The following SH3GL3 variants were observed in gnomAD, a reference collection of about 807,000 sequenced individuals.
The protein encoded by SH3GL3 is endophilin-A3.
A neutral mutation model predicts 47.7 loss-of-function variants in SH3GL3; 33 were observed. That is an observed-to-expected ratio of 0.69 (90% CI 0.52 to 0.92). SH3GL3 has a LOEUF of 0.92. Ranked by LOEUF, SH3GL3 falls within the 40% of genes least tolerant of loss-of-function variation. The pLI, the probability that SH3GL3 is intolerant of heterozygous loss-of-function variation, is 0.00. For synonymous variants in SH3GL3, 155 were observed against 148.8 expected (o/e 1.04, Z -0.30); for missense variants, 363 against 417.8 (o/e 0.87, Z 1.14).
rs1263399003 is a variant in SH3GL3 at position 83,533,019 on chromosome 15, G to A, written c.46-26234G>A. On this transcript the variant is annotated intron_variant, in intron 1 of 8. Coordinates refer to ENST00000427482, the MANE Select transcript of SH3GL3 (RefSeq NM_003027.5). The stretch of plus-strand genomic sequence containing the variant: ...GCATAGTGATCATTGCCTGGGCTGG[G>A]CCCATTGACACTGTATGCAAAATTT... Among the ~76,000 whole-genome samples, 3 of 152,218 alleles carry A rather than the reference G, an allele frequency of 2.0e-5. No individual in the cohort carries two copies. The East Asian group carries it at 5.8e-4, about 29-fold the overall frequency.
chr15:83,532,789 A>G (rs1337032794), intron 1 of SH3GL3, among the ~76,000 whole-genome samples: 2 of 152,240 alleles, frequency 1.3e-5, no homozygotes, highest in Non-Finnish European at 2.9e-5. Flanking sequence ...CTTATTCCTT[A>G]TAATCTCAAG....
chr15:83,630,052 C>T, the SH3GL3 span, among the ~76,000 whole-genome samples: 1 of 152,156 alleles, frequency 6.6e-6, no homozygotes, highest in Admixed American at 6.5e-5. Context: ...ATAAGTCTCA[C>T]AAGATCTGAT....
chr15:83,537,591 G>A (rs1313036786), intron 1 of SH3GL3, among the ~76,000 whole-genome samples: 4 of 151,510 alleles, frequency 2.6e-5, no homozygotes, highest in African/African-American at 9.7e-5. Flanking sequence ...GGGTGGAGGG[G>A]CTCTGTTGAT....
intron 1 of SH3GL3, among the ~76,000 whole-genome samples, chr15:83,466,948 C>T (rs985186075): frequency 4.6e-5 from 7 of 152,094 alleles, no homozygotes; most frequent in Non-Finnish European, 7.4e-5. Context: ...AGATATTAGT[C>T]CTCTGTTGGA....
intron 1 of SH3GL3, among the ~76,000 whole-genome samples, chr15:83,461,660 TAAC>T (rs1352044414): frequency 6.6e-6 from 1 of 152,136 alleles, no homozygotes; most frequent in Non-Finnish European, 1.5e-5. Flanking sequence ...ATTTTTTAAA[TAAC>T]AAGATACAAT....
chr15:83,545,884 A>C (rs771947300), intron 1 of SH3GL3, among the ~76,000 whole-genome samples: 1 of 152,112 alleles, frequency 6.6e-6, no homozygotes, highest in Non-Finnish European at 1.5e-5. Flanking sequence ...AAACAAATGC[A>C]ATCTCTCTCT....
Position 83,520,018 on chromosome 15 carries a change from G to A in SH3GL3, c.46-39235G>A, listed in dbSNP as rs142282794. ...ACACAAGACTCCGGGTCAGAGGGTC[G>A]GAGACAAATGACTTTGCCAGAGTAT... On this transcript the variant is annotated intron_variant, in intron 1 of 8. Coordinates refer to ENST00000427482, the MANE Select transcript of SH3GL3 (RefSeq NM_003027.5). Among the ~76,000 whole-genome samples the A allele has an allele frequency of 8.1e-4, 124 of 152,292 alleles. 1 individual carries two copies. Among genetic ancestry groups the A allele is most frequent in the Middle Eastern group, 6.8e-3 (2 of 294 alleles).
At chr15:83,563,012 A>G (rs926584702) in intron 2 of SH3GL3, among the ~76,000 whole-genome samples, 4 of 152,168 alleles carry the variant, frequency 2.6e-5, no homozygotes, top group Non-Finnish European at 5.9e-5. Context: ...TGTCTTTTAA[A>G]ACTTTCCTGG....
At chr15:83,623,618 T>A (rs2060920818), downstream of SH3GL3, among the ~76,000 whole-genome samples, 1 of 151,886 alleles carries the variant, frequency 6.6e-6, no homozygotes, top group Non-Finnish European at 1.5e-5. Flanking sequence ...AGCATCGGAG[T>A]GGGAGGGTTT....
chr15:83,580,867 C>T (rs572538869), intron 6 of SH3GL3, among the ~76,000 whole-genome samples: 2 of 152,304 alleles, frequency 1.3e-5, no homozygotes, highest in East Asian at 1.9e-4. Flanking sequence ...GGGAGCACCC[C>T]CAACCTCATC....
chr15:83,551,086 G>T (rs1484265344), intron 1 of SH3GL3, among the ~76,000 whole-genome samples: 1 of 152,138 alleles, frequency 6.6e-6, no homozygotes, highest in Non-Finnish European at 1.5e-5. Context: ...AACACATCTA[G>T]ACAAAACACC....
chr15:83,577,692 C>G (rs548723894), intron 6 of SH3GL3, among the ~76,000 whole-genome samples: 1 of 152,272 alleles, frequency 6.6e-6, no homozygotes, highest in East Asian at 1.9e-4. Context: ...ACGCCAGCCC[C>G]TGACTCAATA....
intron 8 of SH3GL3, among the ~76,000 whole-genome samples, chr15:83,610,771 A>G (rs2060639180): frequency 1.3e-5 from 2 of 152,114 alleles, no homozygotes; most frequent in Admixed American, 1.3e-4. Flanking sequence ...TCTGGGAATT[A>G]AATCCATAAA....
At chr15:83,607,678 T>C (rs2060554775) in intron 8 of SH3GL3, among the ~76,000 whole-genome samples, 1 of 152,040 alleles carries the variant, frequency 6.6e-6, no homozygotes, top group Admixed American at 6.5e-5. Context: ...TTATGTGACA[T>C]CTCCTGACTT....
At chr15:83,615,292 GTTT>G (rs2060784200) in intron 8 of SH3GL3, among the ~76,000 whole-genome samples, 1 of 152,028 alleles carries the variant, frequency 6.6e-6, no homozygotes, top group Non-Finnish European at 1.5e-5. Context: ...CTATGAACTA[GTTT>G]TACTAGTTAT....
At chr15:83,556,441 A>G (rs1596251381) in intron 1 of SH3GL3, among the ~76,000 whole-genome samples, 1 of 152,346 alleles carries the variant, frequency 6.6e-6, no homozygotes, top group East Asian at 1.9e-4. Flanking sequence ...TTCAAACAAG[A>G]TATATTCATG....
chr15:83,451,049 T>C (rs2039750432), intron 1 of SH3GL3, among the ~76,000 whole-genome samples: 1 of 120,002 alleles, frequency 8.3e-6, no homozygotes, highest in Non-Finnish European at 1.7e-5. Context: ...AGTGAGAATA[T>C]GCGGTGTTTG....
At chr15:83,609,726 G>T (rs1424398729) in intron 8 of SH3GL3, among the ~76,000 whole-genome samples, 1 of 152,156 alleles carries the variant, frequency 6.6e-6, no homozygotes. Flanking sequence ...CAAAAGAGCT[G>T]TGAGTTTTAG....
intron 1 of SH3GL3, among the ~76,000 whole-genome samples, chr15:83,528,938 T>G (rs1483430838): frequency 6.6e-6 from 1 of 152,238 alleles, no homozygotes; most frequent in African/African-American, 2.4e-5. Flanking sequence ...CTTCTTCCAT[T>G]TTTTTGGATT....
Sources: gnomAD v4.1 joint callset for allele counts (sites outside exome capture counted in the v4.1 genomes callset) on GRCh38, gnomAD v4.1.1 for gene constraint, MANE v1.5 for transcripts, NCBI Gene and HGNC (gene_info 2026-07-23, HGNC 2026-07-21) for gene names.